XPR1: variants seen among roughly 807,000 people sequenced by gnomAD.
XPR1 encodes xenotropic and polytropic retrovirus receptor 1.
Under a neutral mutation model 87.5 loss-of-function variants are expected in XPR1, and 28 were observed. The ratio of observed to expected loss-of-function variants is 0.32; its 90% CI spans 0.24 to 0.44. XPR1 has a LOEUF of 0.44. Ranked by LOEUF, XPR1 falls within the 20% of genes least tolerant of loss-of-function variation. The pLI is 1.00. For missense variants in XPR1, 559 were observed against 862.3 expected (o/e 0.65, Z 4.41); for synonymous variants, 300 against 306.1 (o/e 0.98, Z 0.21).
chr1:180,793,802 A>G (rs1571844206), intron 3 of XPR1, among the ~76,000 whole-genome samples: 2 of 152,246 alleles, frequency 1.3e-5, no homozygotes, highest in East Asian at 3.9e-4. Flanking sequence ...TTTTATAAGC[A>G]TCTATTAAAA....
rs1571733259 is a variant in XPR1 at position 180,694,804 on chromosome 1, C to CA, written c.121+12393_121+12394insA. Among the ~76,000 whole-genome samples the CA allele has an allele frequency of 4.1e-5, 6 of 146,704 alleles. No individual in the cohort carries two copies. The East Asian group carries it at 9.9e-4, about 24-fold the overall frequency. On this transcript the variant is annotated intron_variant, in intron 2 of 14. Transcript: ENST00000367590. Reference sequence around the variant, plus strand: ...ACACACACACACACACACACACACACCATGTTTTCTTTATCTGTTCATCTG... The same window carrying CA: ...ACACACACACACACACACACACACACACATGTTTTCTTTATCTGTTCATCTG...
intron 2 of XPR1, among the ~76,000 whole-genome samples, chr1:180,731,499 C>T (rs1370499095): frequency 6.6e-6 from 1 of 152,100 alleles, no homozygotes; most frequent in Non-Finnish European, 1.5e-5. Flanking sequence ...TTCTTTGATA[C>T]CTTTTTTTGA....
At chr1:180,807,291 A>G (rs1650033179) in intron 6 of XPR1, among the ~76,000 whole-genome samples, 1 of 152,212 alleles carries the variant, frequency 6.6e-6, no homozygotes, top group Non-Finnish European at 1.5e-5. Context: ...TTTGCCAGTG[A>G]CTTGATGATC....
At chr1:180,714,902 A>C (rs1657936357) in intron 2 of XPR1, among the ~76,000 whole-genome samples, 1 of 152,110 alleles carries the variant, frequency 6.6e-6, no homozygotes, top group Non-Finnish European at 1.5e-5. Context: ...ATTTAGAATC[A>C]ATTTAGTTTA....
At chr1:180,652,983 A>ACTC (rs1655344142) in intron 1 of XPR1, among the ~76,000 whole-genome samples, 1 of 152,136 alleles carries the variant, frequency 6.6e-6, no homozygotes, top group South Asian at 2.1e-4. Flanking sequence ...TTCTAGGCTG[A>ACTC]CTCACTCAAA....
intron 2 of XPR1, among the ~76,000 whole-genome samples, chr1:180,697,631 T>G (rs1364322244): frequency 6.6e-6 from 1 of 152,130 alleles, no homozygotes; most frequent in Non-Finnish European, 1.5e-5. Flanking sequence ...TCCTGTAGGT[T>G]TGGGTATGTT....
chr1:180,723,193 T>G (rs1658231286), intron 2 of XPR1, among the ~76,000 whole-genome samples: 1 of 152,204 alleles, frequency 6.6e-6, no homozygotes, highest in African/African-American at 2.4e-5. Flanking sequence ...ATTCATACAT[T>G]GCTGAAACTT....
At chr1:180,833,855 A>G (rs1182294828) in intron 9 of XPR1, among the ~76,000 whole-genome samples, 3 of 152,186 alleles carry the variant, frequency 2.0e-5, no homozygotes, top group Non-Finnish European at 2.9e-5. Flanking sequence ...GTCATATGCT[A>G]TCTGGAAAAT....
At chr1:180,818,343 T>TA (rs1650489032) in intron 7 of XPR1, among the ~76,000 whole-genome samples, 1 of 151,070 alleles carries the variant, frequency 6.6e-6, no homozygotes, top group African/African-American at 2.4e-5. Flanking sequence ...TTTTTTTTTT[T>TA]AAACAGGTAC....
intron 1 of XPR1, among the ~76,000 whole-genome samples, chr1:180,663,036 T>C (rs1655830918): frequency 6.6e-6 from 1 of 152,252 alleles, no homozygotes; most frequent in Admixed American, 6.5e-5. Context: ...CCTCCTCTGC[T>C]TTATCTTGAA....
intron 1 of XPR1, among the ~76,000 whole-genome samples, chr1:180,664,244 C>G (rs1350713588): frequency 6.6e-6 from 1 of 152,154 alleles, no homozygotes; most frequent in Non-Finnish European, 1.5e-5. Flanking sequence ...AATGTGCCGG[C>G]TTACACGTGA....
chr1:180,783,725 C>T (rs1649031123), intron 2 of XPR1, among the ~76,000 whole-genome samples: 1 of 151,928 alleles, frequency 6.6e-6, no homozygotes, highest in African/African-American at 2.4e-5. Flanking sequence ...AACCACTCCC[C>T]TTTTGGACAT....
chr1:180,659,376 C>A (rs182429859), intron 1 of XPR1, among the ~76,000 whole-genome samples: 1 of 98,158 alleles, frequency 1.0e-5, no homozygotes, highest in Non-Finnish European at 2.1e-5. Context: ...TCCGTCCGTC[C>A]TTCCGTCCTT....
chr1:180,660,862 A>C (rs982969130), intron 1 of XPR1, among the ~76,000 whole-genome samples: 1 of 152,202 alleles, frequency 6.6e-6, no homozygotes, highest in Non-Finnish European at 1.5e-5. Context: ...TATTAGGTCC[A>C]TTTGGTCTGT....
intron 1 of XPR1, among the ~76,000 whole-genome samples, chr1:180,679,330 G>A (rs1031402155): frequency 6.6e-6 from 1 of 152,150 alleles, no homozygotes; most frequent in Non-Finnish European, 1.5e-5. Context: ...GGGACATTCG[G>A]CAATGTTTAG....
intron 2 of XPR1, among the ~76,000 whole-genome samples, chr1:180,728,019 C>T (rs1050503842): frequency 2.0e-5 from 3 of 152,092 alleles, no homozygotes; most frequent in African/African-American, 7.2e-5. Context: ...ACTTAGAATG[C>T]TTAACCATCT....
At chr1:180,773,596 TTTTGACATAACA>T (rs1648602910) in intron 2 of XPR1, among the ~76,000 whole-genome samples, 1 of 152,166 alleles carries the variant, frequency 6.6e-6, no homozygotes, top group African/African-American at 2.4e-5. Flanking sequence ...GCTACAAAGG[TTTTGACATAACA>T]TTTTCTTTGA....
chr1:180,794,177 G>A (rs1649488527), intron 3 of XPR1, among the ~76,000 whole-genome samples: 1 of 152,164 alleles, frequency 6.6e-6, no homozygotes, highest in Non-Finnish European at 1.5e-5. Context: ...TATTACACAT[G>A]TAGCATATAT....
At chr1:180,696,912 T>C (rs780177380) in intron 2 of XPR1, among the ~76,000 whole-genome samples, 67 of 152,162 alleles carry the variant, frequency 4.4e-4, no homozygotes, top group Non-Finnish European at 8.4e-4. Context: ...GGATTTTTGC[T>C]TCTGTGTTTG....
Sources: gnomAD v4.1 joint callset for allele counts (sites outside exome capture counted in the v4.1 genomes callset) on GRCh38, gnomAD v4.1.1 for gene constraint, MANE v1.5 for transcripts, NCBI Gene and HGNC (gene_info 2026-07-23, HGNC 2026-07-21) for gene names.